E2F3: variants seen among roughly 807,000 people sequenced by gnomAD.
The protein encoded by E2F3 is E2F transcription factor 3.
E2F3 carries 11 observed loss-of-function variants against 44.4 expected under a neutral mutation model. The ratio of observed to expected loss-of-function variants is 0.25; its 90% CI spans 0.16 to 0.41. The LOEUF (loss-of-function observed/expected upper bound fraction) is 0.41, where lower values mean the gene tolerates loss of function less well. E2F3 is among the 10% of genes least tolerant of loss of function. The pLI is 1.00. For synonymous variants in E2F3, 249 were observed against 253.0 expected, an observed-to-expected ratio of 0.98 and a Z score of 0.15; for missense variants, 487 against 583.6, an observed-to-expected ratio of 0.83 and a Z score of 1.70.
chr6:20,465,838 C>A (rs1461526109), intron 1 of E2F3, among the ~76,000 whole-genome samples: 1 of 152,022 alleles, frequency 6.6e-6, no homozygotes, highest in Admixed American at 6.6e-5. Flanking sequence ...TTTCTTTATC[C>A]ACTTGTTGAT....
intron 1 of E2F3, among the ~76,000 whole-genome samples, chr6:20,478,587 T>A (rs986335777): frequency 6.6e-6 from 1 of 152,182 alleles, no homozygotes; most frequent in South Asian, 2.1e-4. Flanking sequence ...GGTGGGCAGA[T>A]CACCAAAGAT....
intron 1 of E2F3, among the ~76,000 whole-genome samples, chr6:20,418,836 T>C (rs957939049): frequency 6.8e-6 from 1 of 147,586 alleles, no homozygotes; most frequent in Non-Finnish European, 1.5e-5. Context: ...AATTTGTTTG[T>C]TACCTTTTTT....
chr6:20,465,546 A>G (rs770512431), intron 1 of E2F3, among the ~76,000 whole-genome samples: 25 of 152,194 alleles, frequency 1.6e-4, no homozygotes, highest in Middle Eastern at 3.4e-3. Context: ...GATTTGTGAG[A>G]TTTTGGTGCA....
At chr6:20,439,047 A>G (rs1358796583) in intron 1 of E2F3, among the ~76,000 whole-genome samples, 3 of 152,214 alleles carry the variant, frequency 2.0e-5, no homozygotes, top group African/African-American at 4.8e-5. Flanking sequence ...TTTGGGGAAG[A>G]CATAAATATT....
chr6:20,424,210 GGTGTGTGTGTGTGTGTGTGT>G (rs57286350), intron 1 of E2F3, among the ~76,000 whole-genome samples: 1 of 136,920 alleles, frequency 7.3e-6, no homozygotes, highest in Non-Finnish European at 1.5e-5. Flanking sequence ...TCAGTGGAAG[GGTGTGTGTGTGTGTGTGTGT>G]GTGTGTGTGT....
At chr6:20,419,910 G>T (rs797017270) in intron 1 of E2F3, among the ~76,000 whole-genome samples, 2 of 152,156 alleles carry the variant, frequency 1.3e-5, no homozygotes, top group African/African-American at 4.8e-5. Context: ...CTGTTGCCCA[G>T]GCTGGAGTGC....
intron 1 of E2F3, among the ~76,000 whole-genome samples, chr6:20,475,452 C>T (rs951283880): frequency 3.9e-5 from 6 of 152,192 alleles, no homozygotes; most frequent in Non-Finnish European, 7.3e-5. Context: ...TGCTGAGGCA[C>T]GGCCCTAGGT....
chr6:20,457,576 G>A (rs1300022194), intron 1 of E2F3, among the ~76,000 whole-genome samples: 1 of 152,032 alleles, frequency 6.6e-6, no homozygotes, highest in Non-Finnish European at 1.5e-5. Flanking sequence ...GATAGACGTA[G>A]CAAAGAGGTA....
intron 1 of E2F3, among the ~76,000 whole-genome samples, chr6:20,448,282 T>A (rs529915179): frequency 6.6e-6 from 1 of 152,182 alleles, no homozygotes; most frequent in African/African-American, 2.4e-5. Flanking sequence ...CAGACTAGCA[T>A]GTTGCCTTGC....
intron 1 of E2F3, among the ~76,000 whole-genome samples, chr6:20,477,995 C>T (rs1226821874): frequency 6.6e-6 from 1 of 151,556 alleles, no homozygotes; most frequent in Admixed American, 6.6e-5. Flanking sequence ...AGTTCAACAC[C>T]AGCCTGGGCA....
At chr6:20,461,647 A>G (rs559171363) in intron 1 of E2F3, among the ~76,000 whole-genome samples, 26 of 152,342 alleles carry the variant, frequency 1.7e-4, no homozygotes, top group African/African-American at 5.8e-4. Flanking sequence ...AAAATTTTAT[A>G]AAAAGATGCC....
At chr6:20,457,695 A>G (rs766800298) in intron 1 of E2F3, among the ~76,000 whole-genome samples, 1 of 152,190 alleles carries the variant, frequency 6.6e-6, no homozygotes, top group Non-Finnish European at 1.5e-5. Context: ...TGCACGAGCT[A>G]AAATTCCCAT....
At chr6:20,441,072 G>C (rs1440973972) in intron 1 of E2F3, among the ~76,000 whole-genome samples, 2 of 152,136 alleles carry the variant, frequency 1.3e-5, no homozygotes, top group African/African-American at 4.8e-5. Context: ...AGTAGCATTG[G>C]CTACATTTAC....
chr6:20,468,594 C>A (rs1475444521), intron 1 of E2F3, among the ~76,000 whole-genome samples: 2 of 152,170 alleles, frequency 1.3e-5, no homozygotes, highest in African/African-American at 4.8e-5. Context: ...TTGATTAAAT[C>A]ACTGGCCATT....
chr6:20,409,689 A>T (rs996204725), intron 1 of E2F3, among the ~76,000 whole-genome samples: 2 of 152,238 alleles, frequency 1.3e-5, no homozygotes, highest in Non-Finnish European at 2.9e-5. Context: ...GGAAATTGTC[A>T]TTCCTTTAGC....
At chr6:20,418,840 C>CTT (rs34489729) in intron 1 of E2F3, among the ~76,000 whole-genome samples, 18 of 145,716 alleles carry the variant, frequency 1.2e-4, no homozygotes, top group South Asian at 2.2e-4. Flanking sequence ...TGTTTGTTAC[C>CTT]TTTTTTTTTT....
chr6:20,466,616 C>T (rs1761718555), intron 1 of E2F3, among the ~76,000 whole-genome samples: 1 of 151,520 alleles, frequency 6.6e-6, no homozygotes, highest in Admixed American at 6.6e-5. Context: ...TAAAGATTTC[C>T]ACCATACTGG....
chr6:20,484,554 A>G (rs1339102763), intron 4 of E2F3, among the ~76,000 whole-genome samples: 2 of 152,186 alleles, frequency 1.3e-5, no homozygotes, highest in Non-Finnish European at 2.9e-5. Context: ...AAAAAATCAG[A>G]ACTGCCTGGC....
In E2F3 at chr6:20,488,265, T is replaced by A; in HGVS notation, c.1135+17T>A. On this transcript the variant is annotated intron_variant, in intron 6 of 6. Coordinates refer to ENST00000346618, the MANE Select transcript of E2F3 (RefSeq NM_001949.5). The stretch of plus-strand genomic sequence containing the variant: ...CTTCCAAAGGTAAAAACTCCACTTT[T>A]GTCTTTTAGAAACTATGTTAAAAAT... The A allele has an allele frequency of 6.4e-7, 1 of 1,571,704 alleles. No homozygotes were observed. Among genetic ancestry groups the A allele is most frequent in the Non-Finnish European group, 8.6e-7 (1 of 1,166,440 alleles).
Sources: gnomAD v4.1 joint callset for allele counts (sites outside exome capture counted in the v4.1 genomes callset) on GRCh38, gnomAD v4.1.1 for gene constraint, MANE v1.5 for transcripts, NCBI Gene and HGNC (gene_info 2026-07-23, HGNC 2026-07-21) for gene names.